Variants in ANXA1 observed in about 807,000 individuals in gnomAD.
ANXA1 encodes the protein annexin I (lipocortin I).
ANXA1 carries 39 observed loss-of-function variants against 47.9 expected under a neutral mutation model. The observed-to-expected ratio is 0.81, with a 90% CI of 0.63 to 1.06. ANXA1 has a LOEUF of 1.06. Among genes scored for constraint, ANXA1 ranks in the 50% least tolerant of loss-of-function variants. ANXA1 has a pLI of 0.00. For synonymous variants in ANXA1, 146 were observed against 142.5 expected, an observed-to-expected ratio of 1.02 and a Z score of -0.17; for missense variants, 446 against 422.7, an observed-to-expected ratio of 1.06 and a Z score of -0.48.
chr9:73,157,735 T>A (rs1297693699), intron 1 of ANXA1: 2 of 146,552 alleles, frequency 1.4e-5, no homozygotes, highest in Non-Finnish European at 3.0e-5. Flanking sequence ...TAATTCCACA[T>A]AGATGGTCTA....
intron 11 of ANXA1, 77 bp from the exon 12 acceptor site, chr9:73,168,955 G>C (rs1374885415): frequency 2.2e-6 from 3 of 1,392,544 alleles, no homozygotes; most frequent in Non-Finnish European, 1.9e-6. Flanking sequence ...GAGTAAGAAG[G>C]CTTCACTTTA....
chr9:73,158,539 G>T lies in ANXA1; in HGVS notation c.4G>T (p.Ala2Ser). The change falls in exon 2 of 13, where the codon GCA (alanine) becomes TCA (serine). Residue 2 changes from alanine to serine, a missense_variant. By Grantham distance (99) the Ala-to-Ser change is moderately conservative (BLOSUM62 1). Transcript: ENST00000257497. ...CTTTCCAGACACTTTTTCAAAAATG[G>T]CAATGGTATCAGAATTCCTCAAGCA... is the stretch of plus-strand genomic sequence containing the variant. MAMVSEFLKQAW... is the reference protein window; with the variant it reads MSMVSEFLKQAW... The T allele has an allele frequency of 6.2e-7, 1 of 1,613,390 alleles. No homozygotes were observed. Among genetic ancestry groups the T allele is most frequent in the Non-Finnish European group, 8.5e-7 (1 of 1,179,736 alleles).
intron 10 of ANXA1, 27 bp from the exon 11 acceptor site, chr9:73,167,470 A>T (rs202142251): frequency 1.2e-6 from 2 of 1,603,730 alleles, no homozygotes. Context: ...TGGTAAATAC[A>T]TCAACTAAAA....
At position 73,167,599 on chromosome 9, in the gene ANXA1, A is replaced by G. The variant is rs982156255; in HGVS notation, c.861+44A>G. 4 of 1,530,876 alleles carry G rather than the reference A, an allele frequency of 2.6e-6. No homozygotes were observed. The African/African-American group carries it at 5.6e-5, about 21-fold the overall frequency. 94.8% of individuals were successfully genotyped at this position (1,530,876 alleles called of 1,614,324 possible). On this transcript the variant is annotated intron_variant, in intron 11 of 12. Coordinates refer to ENST00000257497, the MANE Select transcript of ANXA1 (RefSeq NM_000700.3). ...ATATGTCCTGCTTAGAGGAAGAATTATTTGTAGAAAGAACAGAAAACCTCA... is the reference window on the plus strand; with the variant it reads ...ATATGTCCTGCTTAGAGGAAGAATTGTTTGTAGAAAGAACAGAAAACCTCA...
Position 73,164,738 on chromosome 9 carries a change from C to T in ANXA1, c.613-378C>T, listed in dbSNP as rs546674560. On this transcript the variant is annotated intron_variant, in intron 8 of 12. Coordinates refer to ENST00000257497, the MANE Select transcript of ANXA1 (RefSeq NM_000700.3). The stretch of plus-strand genomic sequence containing the variant: ...ACATCAAAATGCAAGGTCCAGGTTA[C>T]GGTTGAATTATTGATTTATAAGTAA... 1.1e-4 allele frequency among the ~76,000 whole-genome samples: 17 copies of T among 152,206 alleles called. No individual in the cohort carries two copies. The South Asian group carries it at 2.5e-3, about 22-fold the overall frequency.
Position 73,162,819 on chromosome 9 carries a change from C to A in ANXA1, c.513C>A (p.Asp171Glu), listed in dbSNP as rs1364288336. The A allele has an allele frequency of 6.2e-7, 1 of 1,613,290 alleles. No individual in the cohort carries two copies. Among genetic ancestry groups the A allele is most frequent in the Non-Finnish European group, 8.5e-7 (1 of 1,179,522 alleles). ...KRDLAKDITSDTSGDFRNALL... is the reference protein window; with the variant it reads ...KRDLAKDITSETSGDFRNALL... Reference sequence around the variant, plus strand: ...ATCTGGCCAAAGACATAACCTCAGACACATCTGGAGATTTTCGGAACGCTT... The same window carrying A: ...ATCTGGCCAAAGACATAACCTCAGAAACATCTGGAGATTTTCGGAACGCTT... Residue 171 changes from aspartate to glutamate, a missense_variant, in exon 7 of 13, where the codon GAC becomes GAA. Physicochemically the swap from Asp to Glu is conservative, Grantham distance 45. Transcript: ENST00000257497.
intron 3 of ANXA1, 64 bp downstream of exon 3, chr9:73,158,867 C>T: frequency 1.6e-6 from 2 of 1,274,634 alleles, no homozygotes; most frequent in Non-Finnish European, 2.3e-6. Context: ...GAATGACTGT[C>T]AAAAAACAGA....
Position 73,158,164 on chromosome 9 carries a change from A to G in ANXA1, c.-14-358A>G, listed in dbSNP as rs1458587980. ...GATATTTCAATGTTTTTGTACTCTT[A>G]GTGCTTGGCATATGGTGGGTGGTCT... On this transcript the variant is annotated intron_variant, in intron 1 of 12. Transcript: ENST00000257497. 5.4e-5 allele frequency: 12 copies of G among 220,272 alleles called. 1 individual carries two copies. In the East Asian group the frequency reaches 1.3e-3, roughly 24 times the overall value. 13.6% of individuals were successfully genotyped at this position (220,272 alleles called of 1,614,324 possible).
At chr9:73,161,543 C>T (rs1435673305) in intron 6 of ANXA1, among the ~76,000 whole-genome samples, 3 of 152,118 alleles carry the variant, frequency 2.0e-5, no homozygotes, top group African/African-American at 7.2e-5. Context: ...TTCCTACTCT[C>T]ATTTCCCTGA....
Position 73,170,039 on chromosome 9 carries a change from T to C in ANXA1, c.985-12T>C. ...CGACTAACATTAAGTATACCTTTTTTTGAATCAACAGGATGAAACCAAAGG... is the reference window on the plus strand; with the variant it reads ...CGACTAACATTAAGTATACCTTTTTCTGAATCAACAGGATGAAACCAAAGG... On this transcript the variant is annotated splice_polypyrimidine_tract_variant and intron_variant, in intron 12 of 12. Transcript: ENST00000257497. 2 of 1,596,592 alleles carry C rather than the reference T, an allele frequency of 1.3e-6. No individual in the cohort carries two copies. The highest frequency in any genetic ancestry group is 1.7e-6 in the Non-Finnish European group (2 of 1,172,166).
intron 12 of ANXA1, 63 bp from the exon 13 acceptor site, chr9:73,169,988 T>TA (rs557566473): frequency 5.9e-4 from 708 of 1,207,938 alleles, no homozygotes; most frequent in Middle Eastern, 9.2e-4. Flanking sequence ...CTTCTATAAG[T>TA]AAAAAAAAAT....
intron 1 of ANXA1, among the ~76,000 whole-genome samples, chr9:73,156,579 G>A (rs373456623): frequency 6.4e-4 from 98 of 152,300 alleles, no homozygotes; most frequent in African/African-American, 2.2e-3. Context: ...TGCGAATTAA[G>A]TGGGGATGAT....
intron 12 of ANXA1, among the ~76,000 whole-genome samples, 194 bp downstream of exon 12, chr9:73,169,348 G>A (rs2811226): frequency 0.69 from 104,576 of 151,954 alleles, 36,738 homozygotes; most frequent in African/African-American, 0.81. Flanking sequence ...CTGAAATACT[G>A]GGTACATTTT....
rs200990483 is a variant in ANXA1 at position 73,160,897 on chromosome 9, A to G, written c.475+4A>G. 66 of 1,591,000 alleles carry G rather than the reference A, an allele frequency of 4.1e-5. No individual in the cohort carries two copies. The African/African-American group carries it at 7.9e-4, about 19-fold the overall frequency. ...ATTAACAGGGTCTACAGAGAGGGTA[A>G]GTTGTAATGTCCAACAGTCCAAACG... On this transcript the variant is annotated splice_donor_region_variant and intron_variant, in intron 6 of 12. Coordinates refer to ENST00000257497, the MANE Select transcript of ANXA1 (RefSeq NM_000700.3).
In ANXA1 at chr9:73,160,297, G is replaced by C. The variant is rs1824116062; in HGVS notation, c.305G>C (p.Gly102Ala). The C allele has an allele frequency of 6.3e-7, 1 of 1,580,010 alleles. No individual in the cohort carries two copies. The highest frequency in any genetic ancestry group is 2.3e-5 in the East Asian group (1 of 42,942). ...LDETLKKALT[G>A]HLEEVVLALL... Reference sequence around the variant, plus strand: ...GAAACACTGAAGAAAGCCCTTACAGGTCACCTTGAGGAGGTTGTTTTAGCT... The same window carrying C: ...GAAACACTGAAGAAAGCCCTTACAGCTCACCTTGAGGAGGTTGTTTTAGCT... The change falls in exon 5 of 13, where the codon GGT (glycine) becomes GCT (alanine). Residue 102 changes from glycine to alanine, a missense_variant. By Grantham distance (60) the Gly-to-Ala change is moderately conservative (BLOSUM62 0). Coordinates refer to ENST00000257497, the MANE Select transcript of ANXA1 (RefSeq NM_000700.3).
Position 73,170,224 on chromosome 9 carries a change from G to A in ANXA1, c.*117G>A. ...ATTACAGTGTAGCTACCTACATGCT[G>A]AAAAATATAGCCTTTAAATCATTTT... On this transcript the variant is annotated 3_prime_UTR_variant, in exon 13 of 13. Coordinates refer to ENST00000257497, the MANE Select transcript of ANXA1 (RefSeq NM_000700.3). 1.5e-6 allele frequency: 1 copy of A among 663,808 alleles called. No homozygotes were observed. The highest frequency in any genetic ancestry group is 2.4e-6 in the Non-Finnish European group (1 of 412,122). 41.1% of individuals were successfully genotyped at this position (663,808 alleles called of 1,614,324 possible).
Position 73,167,547 on chromosome 9 carries a change from G to A in ANXA1, c.853G>A (p.Ala285Thr). The A allele has an allele frequency of 1.9e-6, 3 of 1,613,274 alleles. No individual in the cohort carries two copies. Among genetic ancestry groups the A allele is most frequent in the Non-Finnish European group, 2.5e-6 (3 of 1,179,432 alleles). ...PAFFAEKLHQ[A>T]MKGVGTRHKA... Reference sequence around the variant, plus strand: ...TTTCTTTGCAGAGAAGCTTCATCAAGCCATGAAAGTATGTACCATTCTACT... The same window carrying A: ...TTTCTTTGCAGAGAAGCTTCATCAAACCATGAAAGTATGTACCATTCTACT... Residue 285 changes from alanine to threonine, a missense_variant, in exon 11 of 13, where the codon GCC becomes ACC. By Grantham distance (58) the Ala-to-Thr change is moderately conservative (BLOSUM62 0). Transcript: ENST00000257497.
intron 4 of ANXA1, chr9:73,159,911 T>C (rs1284845921): frequency 6.1e-6 from 1 of 163,964 alleles, no homozygotes; most frequent in African/African-American, 2.4e-5. Context: ...ACCTCAAAGA[T>C]TGGAAACATG....
intron 12 of ANXA1, among the ~76,000 whole-genome samples, chr9:73,169,748 G>A (rs755314511): frequency 1.3e-5 from 2 of 152,004 alleles, no homozygotes; most frequent in African/African-American, 2.4e-5. Context: ...CCTCACATAA[G>A]ATATGAGATT....
Sources: gnomAD v4.1 joint callset for allele counts (sites outside exome capture counted in the v4.1 genomes callset) on GRCh38, gnomAD v4.1.1 for gene constraint, MANE v1.5 for transcripts, NCBI Gene and HGNC (gene_info 2026-07-23, HGNC 2026-07-21) for gene names.